The following DMD variants were observed in gnomAD, a reference collection of about 807,000 sequenced individuals.
DMD encodes dystrophin.
A neutral mutation model predicts 330.1 loss-of-function variants in DMD; 63 were observed. That is an observed-to-expected ratio of 0.19 (90% confidence interval 0.16 to 0.24). DMD has a LOEUF of 0.24. Among genes scored for constraint, DMD ranks in the 10% least tolerant of loss-of-function variants. The pLI, the probability that DMD is intolerant of heterozygous loss-of-function variation, is 1.00. For synonymous variants in DMD, 1,223 were observed against 959.8 expected, an observed-to-expected ratio of 1.27 and a Z score of -5.07; for missense variants, 3,344 against 2,684.1, an observed-to-expected ratio of 1.25 and a Z score of -5.43.
rs2097771202 is a variant in DMD at position 32,348,445 on chromosome X, C to T, written c.5409G>A (p.Gln1803=). 8.3e-7 allele frequency: 1 copy of T among 1,205,952 alleles called. No individual in the cohort carries two copies. Among genetic ancestry groups the T allele is most frequent in the African/African-American group, 1.8e-5 (1 of 56,978 alleles). ...LLEPLEAEIQ[Q]GVNLKEEDFN... is the part of the protein sequence containing the mutation. The stretch of plus-strand genomic sequence containing the variant: ...AGTCTTCCTCTTTCAGATTCACCCC[C>T]TGCTGAATTTCAGCCTCCAGTGGTT... Residue 1803 remains glutamine, a synonymous_variant, in exon 38 of 79, where the codon CAG becomes CAA. Coordinates refer to ENST00000357033, the MANE Select transcript of DMD (RefSeq NM_004006.3).
chrX:31,409,626 C>T (rs1048790508), intron 60 of DMD, among the ~76,000 whole-genome samples: 3 of 111,659 alleles, frequency 2.7e-5, no homozygotes, highest in African/African-American at 9.8e-5. Context: ...GGCCCTAATA[C>T]AATCATGATA....
At chrX:31,951,171 A>ATATATATATG (rs2095171906) in intron 45 of DMD, among the ~76,000 whole-genome samples, 2 of 93,309 alleles carry the variant, frequency 2.1e-5, no homozygotes. Flanking sequence ...ATATATATAT[A>ATATATATATG]TATGTATATA....
chrX:31,266,911 G>GCGCCGC lies in DMD; in HGVS notation c.9225-5901_9225-5896dup, dbSNP rs925751689. 343 of 1,172,401 alleles carry GCGCCGC rather than the reference G, an allele frequency of 2.9e-4. No homozygotes were observed. The African/African-American group carries it at 4.6e-3, about 16-fold the overall frequency. On this transcript the variant is annotated intron_variant, in intron 62 of 78. Coordinates refer to ENST00000357033, the MANE Select transcript of DMD (RefSeq NM_004006.3). ...AGCCGCCGGGCTCCCCGAAAGTGGAGCGCCGCCGCCGCCGCCGCCCAAGCT... is the reference window on the plus strand; with the variant it reads ...AGCCGCCGGGCTCCCCGAAAGTGGAGCGCCGCCGCCGCCGCCGCCGCCGCCCAAGCT...
intron 44 of DMD, among the ~76,000 whole-genome samples, chrX:32,102,622 A>G (rs1013011714): frequency 4.3e-4 from 48 of 111,375 alleles, no homozygotes; most frequent in African/African-American, 1.5e-3. Flanking sequence ...GAATTTCGAG[A>G]CAAATCTATA....
intron 71 of DMD, among the ~76,000 whole-genome samples, chrX:31,177,651 C>T (rs1418182865): frequency 1.4e-4 from 15 of 110,383 alleles, no homozygotes; most frequent in Non-Finnish European, 5.7e-5. Context: ...CCAATAACTT[C>T]TTTGATTATA....
At chrX:31,971,015 G>A (rs2095394647) in intron 44 of DMD, among the ~76,000 whole-genome samples, 1 of 111,180 alleles carries the variant, frequency 9.0e-6, no homozygotes, top group South Asian at 3.8e-4. Context: ...ATACCATAGC[G>A]GTGCTTCCTA....
At chrX:32,222,054 G>A (rs945975206) in intron 43 of DMD, among the ~76,000 whole-genome samples, 3 of 111,670 alleles carry the variant, frequency 2.7e-5, no homozygotes, top group Admixed American at 9.6e-5. Context: ...AAACATATGC[G>A]TGCAAGTGTC....
At chrX:33,246,380 G>C (rs1474828109) in intron 1 of DMD, among the ~76,000 whole-genome samples, 2 of 111,368 alleles carry the variant, frequency 1.8e-5, no homozygotes, top group East Asian at 5.7e-4. Context: ...TACAGTTCCA[G>C]TGATATCGTT....
At chrX:31,312,423 G>C (rs1254094118) in intron 62 of DMD, among the ~76,000 whole-genome samples, 2 of 112,437 alleles carry the variant, frequency 1.8e-5, no homozygotes, top group Non-Finnish European at 3.8e-5. Flanking sequence ...TCTCACACCA[G>C]TCAGAATGGT....
intron 52 of DMD, among the ~76,000 whole-genome samples, chrX:31,721,957 T>G (rs1157213867): frequency 9.2e-6 from 1 of 108,892 alleles, no homozygotes; most frequent in African/African-American, 3.3e-5. Context: ...TTAATCCACT[T>G]AATTATTCAA....
intron 67 of DMD, among the ~76,000 whole-genome samples, chrX:31,200,892 G>C (rs2043363729): frequency 9.0e-6 from 1 of 111,615 alleles, no homozygotes; most frequent in Non-Finnish European, 1.9e-5. Flanking sequence ...CCTAAAAAAA[G>C]AGGCAGCACT....
At position 31,454,746 on chromosome X, in the gene DMD, C is replaced by T. The variant is rs191275487; in HGVS notation, c.8938-10119G>A. Among the ~76,000 whole-genome samples, 128 of 110,021 alleles carry T rather than the reference C, an allele frequency of 1.2e-3. 1 individual carries two copies. Among genetic ancestry groups the T allele is most frequent in the African/African-American group, 4.1e-3 (125 of 30,317 alleles). ...CTAGAACTCATCAAGCTTTTTATTT[C>T]TTTATTTATTTTTATTTTATTTTTC... is the stretch of plus-strand genomic sequence containing the variant. On this transcript the variant is annotated intron_variant, in intron 59 of 78. Transcript: ENST00000357033.
At chrX:31,462,719 C>A (rs2066612011) in intron 59 of DMD, among the ~76,000 whole-genome samples, 1 of 111,740 alleles carries the variant, frequency 8.9e-6, no homozygotes, top group Non-Finnish European at 1.9e-5. Flanking sequence ...ACTTAAAATG[C>A]CATTTAACTC....
chrX:32,729,651 CA>C (rs1184376868), intron 7 of DMD, among the ~76,000 whole-genome samples: 1 of 111,502 alleles, frequency 9.0e-6, no homozygotes, highest in African/African-American at 3.3e-5. Context: ...AGAAATATGC[CA>C]AATTTAATAG....
chrX:31,210,445 T>C (rs2044537813), intron 64 of DMD, among the ~76,000 whole-genome samples: 2 of 112,232 alleles, frequency 1.8e-5, no homozygotes, highest in African/African-American at 6.5e-5. Context: ...AATCTTATGC[T>C]GGGGACAAAA....
chrX:31,550,111 C>A (rs1195171435), intron 55 of DMD, among the ~76,000 whole-genome samples: 1 of 111,467 alleles, frequency 9.0e-6, no homozygotes, highest in Admixed American at 9.5e-5. Context: ...AGGGTGGCAA[C>A]TGAACTTCAG....
chrX:32,804,840 G>C (rs1253324404), intron 7 of DMD, among the ~76,000 whole-genome samples: 2 of 112,169 alleles, frequency 1.8e-5, no homozygotes, highest in African/African-American at 6.5e-5. Flanking sequence ...ATAGGGTCTA[G>C]AGTGGACCTC....
intron 52 of DMD, among the ~76,000 whole-genome samples, chrX:31,701,351 A>T (rs963376823): frequency 1.8e-5 from 2 of 112,147 alleles, no homozygotes; most frequent in African/African-American, 6.5e-5. Flanking sequence ...GTTAAGAAAT[A>T]AAAATAAATG....
intron 52 of DMD, among the ~76,000 whole-genome samples, chrX:31,702,773 T>G (rs1360021434): frequency 9.0e-6 from 1 of 110,582 alleles, no homozygotes; most frequent in African/African-American, 3.3e-5. Context: ...GATTCTAACG[T>G]GCAGCCAGGG....
Sources: allele counts gnomAD v4.1 joint callset (sites outside exome capture counted in the v4.1 genomes callset), GRCh38; gene constraint gnomAD v4.1.1; transcripts MANE v1.5; gene names NCBI Gene and HGNC (gene_info 2026-07-23, HGNC 2026-07-21).